Variants in PDGFD observed in about 807,000 individuals in gnomAD.
The protein encoded by PDGFD is platelet-derived growth factor D.
PDGFD carries 30 observed loss-of-function variants against 44.7 expected under a neutral mutation model. That is an observed-to-expected ratio of 0.67 (90% confidence interval 0.50 to 0.91). PDGFD has a LOEUF of 0.91. Ranked by LOEUF, PDGFD falls within the 40% of genes least tolerant of loss-of-function variation. The pLI, the probability that PDGFD is intolerant of heterozygous loss-of-function variation, is 0.00. For missense variants in PDGFD, 445 were observed against 457.8 expected (o/e 0.97, Z 0.25); for synonymous variants, 173 against 168.4 (o/e 1.03, Z -0.21).
At chr11:104,077,802 T>A (rs1017101144) in intron 1 of PDGFD, among the ~76,000 whole-genome samples, 1 of 152,192 alleles carries the variant, frequency 6.6e-6, no homozygotes, top group African/African-American at 2.4e-5. Context: ...AATCAATCTA[T>A]TATAGGTAAA....
intron 5 of PDGFD, among the ~76,000 whole-genome samples, chr11:103,927,968 T>C (rs1485922325): frequency 6.6e-6 from 1 of 152,234 alleles, no homozygotes; most frequent in Admixed American, 6.5e-5. Context: ...TCTTTTCCTT[T>C]AAAGTCAAAT....
At chr11:104,148,664 T>A (rs1245227026) in intron 1 of PDGFD, among the ~76,000 whole-genome samples, 1 of 152,060 alleles carries the variant, frequency 6.6e-6, no homozygotes, top group East Asian at 1.9e-4. Context: ...GTCATGGGGG[T>A]TTGTTGTACA....
chr11:104,078,032 C>T (rs1471409649), intron 1 of PDGFD, among the ~76,000 whole-genome samples: 1 of 152,118 alleles, frequency 6.6e-6, no homozygotes, highest in Non-Finnish European at 1.5e-5. Flanking sequence ...GCTGGTTATG[C>T]CACTGGTCCT....
intron 5 of PDGFD, among the ~76,000 whole-genome samples, chr11:103,934,662 C>A (rs770812625): frequency 6.6e-6 from 1 of 152,132 alleles, no homozygotes; most frequent in Non-Finnish European, 1.5e-5. Context: ...GGAGGGAGAG[C>A]ATGTGTGCAA....
chr11:104,103,717 T>C (rs1861431586), intron 1 of PDGFD, among the ~76,000 whole-genome samples: 1 of 151,856 alleles, frequency 6.6e-6, no homozygotes, highest in Non-Finnish European at 1.5e-5. Context: ...ATTACTTACA[T>C]GTTTGTGGTG....
chr11:103,938,935 C>A (rs900996065), intron 5 of PDGFD, among the ~76,000 whole-genome samples: 3 of 152,126 alleles, frequency 2.0e-5, no homozygotes, highest in Admixed American at 1.3e-4. Flanking sequence ...GGTACCAGTA[C>A]CATGTTGTTT....
chr11:104,114,055 T>G (rs1861598303), intron 1 of PDGFD, among the ~76,000 whole-genome samples: 2 of 152,078 alleles, frequency 1.3e-5, no homozygotes, highest in Admixed American at 1.3e-4. Flanking sequence ...TGTCTTTGCA[T>G]TCTCTTTATG....
At chr11:104,073,582 T>C (rs143207563) in intron 1 of PDGFD, among the ~76,000 whole-genome samples, 53 of 152,282 alleles carry the variant, frequency 3.5e-4, no homozygotes, top group African/African-American at 1.2e-3. Context: ...CTCATACATT[T>C]TCCTGAGATA....
chr11:103,956,214 C>T (rs991701667), intron 3 of PDGFD, among the ~76,000 whole-genome samples: 2 of 150,824 alleles, frequency 1.3e-5, no homozygotes, highest in Non-Finnish European at 2.9e-5. Flanking sequence ...CCTCCCCTCT[C>T]CCCCCACCCC....
intron 1 of PDGFD, among the ~76,000 whole-genome samples, chr11:104,076,348 G>T (rs1047984554): frequency 5.3e-5 from 8 of 152,198 alleles, no homozygotes; most frequent in South Asian, 4.2e-4. Flanking sequence ...TTTATTATTA[G>T]TAGTATTATT....
At chr11:103,912,100 C>T (rs1026668295) in intron 6 of PDGFD, among the ~76,000 whole-genome samples, 1 of 152,020 alleles carries the variant, frequency 6.6e-6, no homozygotes, top group African/African-American at 2.4e-5. Flanking sequence ...CAGGGCAGGC[C>T]AACATTCAAA....
chr11:103,950,216 T>C (rs1210792757), intron 3 of PDGFD, among the ~76,000 whole-genome samples: 1 of 151,976 alleles, frequency 6.6e-6, no homozygotes, highest in Non-Finnish European at 1.5e-5. Flanking sequence ...GAACTGGAAA[T>C]AGTTTTAGAA....
At chr11:104,103,462 G>GTGTGTGTGTATATATA (rs1041388346) in intron 1 of PDGFD, among the ~76,000 whole-genome samples, 2 of 133,262 alleles carry the variant, frequency 1.5e-5, no homozygotes, top group African/African-American at 5.5e-5. Flanking sequence ...GTGTGTGTGT[G>GTGTGTGTGTATATATA]TATATATATA....
At chr11:103,978,432 G>T (rs1307330208) in intron 3 of PDGFD, among the ~76,000 whole-genome samples, 1 of 152,024 alleles carries the variant, frequency 6.6e-6, no homozygotes, top group African/African-American at 2.4e-5. Context: ...TTGAAGGGTA[G>T]TATGGAATTA....
At chr11:104,060,888 G>T (rs1860703223) in intron 1 of PDGFD, among the ~76,000 whole-genome samples, 1 of 152,148 alleles carries the variant, frequency 6.6e-6, no homozygotes, top group Non-Finnish European at 1.5e-5. Flanking sequence ...CACTTTAAGT[G>T]TACAACTCAG....
intron 3 of PDGFD, 73 bp downstream of exon 3, chr11:103,995,992 A>G (rs1240417345): frequency 1.5e-6 from 2 of 1,345,022 alleles, no homozygotes; most frequent in Non-Finnish European, 2.1e-6. Context: ...ACTGAATTTG[A>G]TCATAGAAAA....
intron 1 of PDGFD, among the ~76,000 whole-genome samples, chr11:104,013,408 A>G (rs946141638): frequency 2.0e-5 from 3 of 152,032 alleles, no homozygotes; most frequent in African/African-American, 7.2e-5. Flanking sequence ...CTACTAAAAG[A>G]GCATTAATTG....
At chr11:104,026,145 C>T (rs1314731906) in intron 1 of PDGFD, among the ~76,000 whole-genome samples, 1 of 152,194 alleles carries the variant, frequency 6.6e-6, no homozygotes, top group Non-Finnish European at 1.5e-5. Context: ...TCAGGAGAGG[C>T]TAGTCTCTGC....
At chr11:104,038,251 A>T (rs917484913) in intron 1 of PDGFD, 2 of 476,900 alleles carry the variant, frequency 4.2e-6, no homozygotes, top group Non-Finnish European at 3.8e-6. Context: ...TGGAGGCTCC[A>T]GCTGATTTCC....
Sources: allele counts gnomAD v4.1 joint callset (sites outside exome capture counted in the v4.1 genomes callset), GRCh38; gene constraint gnomAD v4.1.1; transcripts MANE v1.5; gene names NCBI Gene and HGNC (gene_info 2026-07-23, HGNC 2026-07-21).